The following MCF2L2 variants were observed in gnomAD, a reference collection of about 807,000 sequenced individuals.
MCF2L2 encodes MCF.2 cell line derived transforming sequence-like 2, also known as probable guanine nucleotide exchange factor MCF2L2.
MCF2L2 carries 102 observed loss-of-function variants against 150.2 expected under a neutral mutation model. The observed-to-expected ratio is 0.68, with a 90% CI of 0.58 to 0.80. MCF2L2 has a LOEUF of 0.80. Among genes scored for constraint, MCF2L2 ranks in the 30% least tolerant of loss-of-function variants. The pLI is 0.00. For synonymous variants in MCF2L2, 465 were observed against 491.3 expected (o/e 0.95, Z 0.71); for missense variants, 1,256 against 1,372.8 (o/e 0.91, Z 1.34).
chr3:183,270,246 G>A lies in MCF2L2; in HGVS notation c.1862+6626C>T. On this transcript the variant is annotated intron_variant, in intron 15 of 29. Coordinates refer to ENST00000328913, the MANE Select transcript of MCF2L2 (RefSeq NM_015078.4). This position sits in a 1 kb window ranked among gnomAD's most constrained non-coding sequence, Gnocchi z 4.5. ...ACTACAAAGAAAACTGGCTTGGGAAGATCAAAGGTACAATGATATAATTCA... is the reference window on the plus strand; with the variant it reads ...ACTACAAAGAAAACTGGCTTGGGAAAATCAAAGGTACAATGATATAATTCA... 1 of 1,614,116 alleles carries A rather than the reference G, an allele frequency of 6.2e-7. No homozygotes were observed. The highest frequency in any genetic ancestry group is 8.5e-7 in the Non-Finnish European group (1 of 1,179,988).
chr3:183,269,491 G>A (rs1198536242), intron 15 of MCF2L2: 2 of 293,530 alleles, frequency 6.8e-6, no homozygotes, highest in East Asian at 7.7e-5. Context: ...CTTCTTGACT[G>A]TGATAGGTGG....
chr3:183,332,237 G>A (rs1166069781), intron 5 of MCF2L2, among the ~76,000 whole-genome samples: 2 of 152,162 alleles, frequency 1.3e-5, no homozygotes, highest in Admixed American at 6.5e-5. Context: ...GAGCATCAGC[G>A]CTACCAGGGA....
rs572468347 is a variant in MCF2L2, at chr3:183,267,186, C to A, written c.1862+9686G>T. On this transcript the variant is annotated intron_variant, in intron 15 of 29. Coordinates refer to ENST00000328913, the MANE Select transcript of MCF2L2 (RefSeq NM_015078.4). The surrounding 1 kb of genome is among the most constrained non-coding windows in gnomAD (Gnocchi z 5.5). ...AAAGTTTCACAAAATGATTCTTGCT[C>A]TTACTACTCTCAGTACACTCTGTAT... Among the ~76,000 whole-genome samples, 202 of 152,220 alleles carry A rather than the reference C, an allele frequency of 1.3e-3. 3 individuals are homozygous for A. In the South Asian group the frequency reaches 0.034, roughly 26 times the overall value.
chr3:183,218,620 C>T (rs151139359), intron 21 of MCF2L2, among the ~76,000 whole-genome samples: 2 of 151,954 alleles, frequency 1.3e-5, no homozygotes, highest in African/African-American at 4.8e-5. Context: ...GGTGACAGAG[C>T]GAGACTCTGT....
intron 1 of MCF2L2, among the ~76,000 whole-genome samples, chr3:183,397,283 C>T (rs769178042): frequency 1.3e-5 from 2 of 152,292 alleles, no homozygotes; most frequent in African/African-American, 2.4e-5. Flanking sequence ...CAGCAGGTTC[C>T]GTGTCTGGCA....
intron 27 of MCF2L2, among the ~76,000 whole-genome samples, chr3:183,184,717 C>A (rs543283310): frequency 6.6e-6 from 1 of 152,114 alleles, no homozygotes. Flanking sequence ...TTATTCTCAC[C>A]AGCATACATA....
intron 10 of MCF2L2, among the ~76,000 whole-genome samples, chr3:183,307,016 G>T (rs537899377): frequency 6.6e-6 from 1 of 152,304 alleles, no homozygotes; most frequent in Admixed American, 6.5e-5. Flanking sequence ...AATCAGGAAG[G>T]AGCATTCAAA....
intron 27 of MCF2L2, among the ~76,000 whole-genome samples, chr3:183,188,005 G>C (rs1576907088): frequency 6.6e-6 from 1 of 152,294 alleles, no homozygotes; most frequent in South Asian, 2.1e-4. Context: ...GAGGAGGTAG[G>C]GCTGCTGCTT....
chr3:183,233,709 G>A (rs1442421875), intron 15 of MCF2L2, among the ~76,000 whole-genome samples: 1 of 152,162 alleles, frequency 6.6e-6, no homozygotes, highest in Non-Finnish European at 1.5e-5. Context: ...TATGGGAAAG[G>A]AGAATTTCTA....
At chr3:183,287,306 T>C (rs1727850262) in intron 14 of MCF2L2, among the ~76,000 whole-genome samples, 1 of 152,190 alleles carries the variant, frequency 6.6e-6, no homozygotes, top group African/African-American at 2.4e-5. Context: ...CATAAACATG[T>C]TGTCTGAAGA....
intron 2 of MCF2L2, among the ~76,000 whole-genome samples, chr3:183,387,858 G>C (rs1361562133): frequency 6.6e-6 from 1 of 151,446 alleles, no homozygotes; most frequent in Non-Finnish European, 1.5e-5. Flanking sequence ...CTCGAACCTG[G>C]GAGGTGGAGG....
chr3:183,252,947 G>T (rs1724634936), intron 15 of MCF2L2, among the ~76,000 whole-genome samples: 1 of 152,202 alleles, frequency 6.6e-6, no homozygotes, highest in Non-Finnish European at 1.5e-5. Context: ...TCTCGATATT[G>T]TCTGGTTACC....
chr3:183,324,976 A>G (rs1484654899), intron 5 of MCF2L2, among the ~76,000 whole-genome samples: 2 of 151,746 alleles, frequency 1.3e-5, no homozygotes, highest in South Asian at 2.1e-4. Context: ...TTGTAGGGAC[A>G]TGGATGAAAC....
chr3:183,367,420 G>A (rs959045375), intron 3 of MCF2L2, among the ~76,000 whole-genome samples: 4 of 151,698 alleles, frequency 2.6e-5, no homozygotes, highest in Admixed American at 6.6e-5. Context: ...AGTAGAGATG[G>A]GATTTCACCG....
At chr3:183,397,647 T>C (rs1467133814) in intron 1 of MCF2L2, among the ~76,000 whole-genome samples, 2 of 152,108 alleles carry the variant, frequency 1.3e-5, no homozygotes, top group African/African-American at 4.8e-5. Flanking sequence ...ATGAATAAGA[T>C]TGGGTTGGTA....
At chr3:183,238,087 C>G (rs1336954444) in intron 15 of MCF2L2, among the ~76,000 whole-genome samples, 1 of 151,158 alleles carries the variant, frequency 6.6e-6, no homozygotes, top group Non-Finnish European at 1.5e-5. Flanking sequence ...AATTTCTGTT[C>G]TTTTACATTT....
At chr3:183,245,373 G>A (rs916312648) in intron 15 of MCF2L2, among the ~76,000 whole-genome samples, 3 of 152,178 alleles carry the variant, frequency 2.0e-5, no homozygotes, top group Non-Finnish European at 4.4e-5. Context: ...AACTCCAGCA[G>A]GGGCTGGAGT....
intron 6 of MCF2L2, among the ~76,000 whole-genome samples, chr3:183,318,853 A>T (rs951405957): frequency 1.3e-5 from 2 of 152,376 alleles, no homozygotes. Context: ...TTGTTAAAAA[A>T]TGCTAACCAT....
intron 26 of MCF2L2, among the ~76,000 whole-genome samples, chr3:183,194,624 C>T (rs539503862): frequency 2.0e-5 from 3 of 152,216 alleles, no homozygotes; most frequent in South Asian, 2.1e-4. Context: ...GGGGAGGTTT[C>T]GAACTGGCAG....
Sources: allele counts gnomAD v4.1 joint callset (sites outside exome capture counted in the v4.1 genomes callset), GRCh38; gene constraint gnomAD v4.1.1; non-coding constraint Gnocchi (gnomAD v3.1); transcripts MANE v1.5; gene names NCBI Gene and HGNC (gene_info 2026-07-23, HGNC 2026-07-21).